BNIP1: variants seen among roughly 807,000 people sequenced by gnomAD.
BNIP1 encodes BCL2 interacting protein 1.
Under a neutral mutation model 28.5 loss-of-function variants are expected in BNIP1, and 25 were observed. That is an observed-to-expected ratio of 0.88 (90% CI 0.64 to 1.23). The LOEUF (loss-of-function observed/expected upper bound fraction) is 1.23, where lower values mean the gene tolerates loss of function less well. Ranked by LOEUF, BNIP1 falls within the 50% of genes most tolerant of loss-of-function variation. BNIP1 has a pLI of 0.00. For missense variants in BNIP1, 276 were observed against 277.0 expected, an observed-to-expected ratio of 1.00 and a Z score of 0.02; for synonymous variants, 118 against 101.7, an observed-to-expected ratio of 1.16 and a Z score of -0.96.
At chr5:173,145,656 G>A (rs1053642491) in intron 1 of BNIP1, among the ~76,000 whole-genome samples, 1 of 152,226 alleles carries the variant, frequency 6.6e-6, no homozygotes, top group African/African-American at 2.4e-5. Context: ...GCCCGCCTCG[G>A]CCTCCCAAAT....
chr5:173,148,352 T>A (rs1187252501), intron 2 of BNIP1, among the ~76,000 whole-genome samples: 8 of 151,532 alleles, frequency 5.3e-5, no homozygotes, highest in Admixed American at 5.3e-4. Flanking sequence ...CACTTGTGGG[T>A]CTGGGGGCTG....
At chr5:173,151,745 A>C (rs769140359) in intron 2 of BNIP1, 2 of 1,607,366 alleles carry the variant, frequency 1.2e-6, no homozygotes, top group Non-Finnish European at 1.7e-6. Flanking sequence ...CCCAGTGTTT[A>C]TTTCCTTCAC....
chr5:173,157,866 A>G (rs1455475104), intron 3 of BNIP1, among the ~76,000 whole-genome samples: 1 of 151,978 alleles, frequency 6.6e-6, no homozygotes, highest in Non-Finnish European at 1.5e-5. Context: ...TGTAGTATGG[A>G]AAGAACAACA....
At chr5:173,151,149 T>C (rs778269084) in intron 2 of BNIP1, among the ~76,000 whole-genome samples, 1 of 151,962 alleles carries the variant, frequency 6.6e-6, no homozygotes. Flanking sequence ...CTTATACTGT[T>C]AAGTATAATT....
rs752454447 is a variant in BNIP1, at chr5:173,154,378, C to A, written c.234C>A (p.Leu78=). The A allele has an allele frequency of 1.4e-5, 23 of 1,613,812 alleles. 1 individual carries two copies. In the South Asian group the frequency reaches 2.5e-4, roughly 18 times the overall value. The change falls in exon 3 of 6, where the codon CTC becomes CTA. Residue 78 remains leucine (L), a synonymous_variant. Coordinates refer to ENST00000351486, the MANE Select transcript of BNIP1 (RefSeq NM_001205.3). ...QDKESEKQLL[L]QEVENHKKQM... ...AAGAATCAGAGAAACAACTTCTACT[C>A]CAGGAAGTGGAGAATCACAAAAAGC... is the stretch of plus-strand genomic sequence containing the variant.
At chr5:173,153,986 G>A (rs867204285) in intron 2 of BNIP1, among the ~76,000 whole-genome samples, 4 of 152,316 alleles carry the variant, frequency 2.6e-5, no homozygotes, top group South Asian at 2.1e-4. Context: ...CAGTGTGCTT[G>A]TATTTCGTCA....
At chr5:173,160,337 C>T (rs570461474) in intron 5 of BNIP1, among the ~76,000 whole-genome samples, 8 of 151,874 alleles carry the variant, frequency 5.3e-5, no homozygotes, top group East Asian at 3.9e-4. Context: ...TGGTTTCAAG[C>T]GATTCTCCTG....
intron 1 of BNIP1, among the ~76,000 whole-genome samples, chr5:173,145,550 C>G (rs544022850): frequency 6.6e-6 from 1 of 152,154 alleles, no homozygotes; most frequent in Non-Finnish European, 1.5e-5. Context: ...TACAGGCACC[C>G]GCCACCACGC....
At chr5:173,153,616 G>A (rs1760089461) in intron 2 of BNIP1, among the ~76,000 whole-genome samples, 2 of 152,162 alleles carry the variant, frequency 1.3e-5, no homozygotes, top group African/African-American at 4.8e-5. Flanking sequence ...GGAAGGAGCA[G>A]CTCCCTGGTT....
At chr5:173,154,557 C>A in intron 3 of BNIP1, 144 bp downstream of exon 3, 1 of 639,048 alleles carries the variant, frequency 1.6e-6, no homozygotes, top group South Asian at 2.2e-5. Flanking sequence ...GTGTCTCGCT[C>A]TATTGCCCAG....
At position 173,163,814 on chromosome 5, in the gene BNIP1, T is replaced by C. The variant is rs1327328652; in HGVS notation, c.580T>C (p.Tyr194His). ...IQLGRKLITK[Y>H]NRRELTDKLL... ...GCTGGGCCGGAAGCTTATCACAAAA[T>C]ACAATCGCCGGGAGCTGACGGACAA... Residue 194 changes from tyrosine to histidine, a missense_variant, in exon 6 of 6, where the codon TAC becomes CAC. Physicochemically the swap from Tyr to His is moderately conservative, Grantham distance 83. Transcript: ENST00000351486. 6.2e-7 allele frequency: 1 copy of C among 1,613,944 alleles called. No individual in the cohort carries two copies. Among genetic ancestry groups the C allele is most frequent in the East Asian group, 2.2e-5 (1 of 44,874 alleles).
intron 3 of BNIP1, 140 bp downstream of exon 3, chr5:173,154,553 C>T (rs1760126045): frequency 7.7e-6 from 5 of 646,500 alleles, no homozygotes; most frequent in Admixed American, 3.3e-5. Flanking sequence ...GACGGTGTCT[C>T]GCTCTATTGC....
Position 173,164,020 on chromosome 5 carries a change from G to A in BNIP1, c.*99G>A, listed in dbSNP as rs1376898241. On this transcript the variant is annotated 3_prime_UTR_variant, in exon 6 of 6. Transcript: ENST00000351486. This position sits in a 1 kb window ranked among gnomAD's most constrained non-coding sequence, Gnocchi z 4.0. Reference sequence around the variant, plus strand: ...GCTAAGCTGAGCCACACACCCCTCCGTTTGCACCAGTTGCCTGCAGGTTGG... The same window carrying A: ...GCTAAGCTGAGCCACACACCCCTCCATTTGCACCAGTTGCCTGCAGGTTGG... 18 of 1,216,946 alleles carry A rather than the reference G, an allele frequency of 1.5e-5. No homozygotes were observed. Among genetic ancestry groups the A allele is most frequent in the East Asian group, 7.6e-5 (3 of 39,330 alleles). 75.4% of individuals were successfully genotyped at this position (1,216,946 alleles called of 1,614,324 possible). A position where few individuals can be genotyped will look rare whatever the true frequency, so the allele number is the denominator to read the frequency against.
intron 5 of BNIP1, among the ~76,000 whole-genome samples, chr5:173,160,332 T>G (rs1341551143): frequency 6.6e-6 from 1 of 151,984 alleles, no homozygotes; most frequent in African/African-American, 2.4e-5. Flanking sequence ...CCTCCTGGTT[T>G]CAAGCGATTC....
intron 1 of BNIP1, 136 bp downstream of exon 1, chr5:173,144,765 C>T (rs948190324): frequency 1.2e-6 from 1 of 820,358 alleles, no homozygotes; most frequent in Non-Finnish European, 1.9e-6. Flanking sequence ...TGGTCGGCTA[C>T]CCCCCCGGTC....
chr5:173,152,863 G>A lies in BNIP1; in HGVS notation c.178-1459G>A, dbSNP rs183680236. ...CAAACCAGTATGTGCAAATTGATAC[G>A]TAAATCAGTAAATTAGTATATAAAT... On this transcript the variant is annotated intron_variant, in intron 2 of 5. Transcript: ENST00000351486. Among the ~76,000 whole-genome samples, 155 of 152,228 alleles carry A rather than the reference G, an allele frequency of 1.0e-3. 2 individuals are homozygous for A. The South Asian group carries it at 0.015, about 14-fold the overall frequency.
At chr5:173,161,364 A>AACCAGCC (rs1466767119) in intron 5 of BNIP1, 3 of 152,932 alleles carry the variant, frequency 2.0e-5, no homozygotes, top group African/African-American at 7.2e-5. Context: ...CTGGGCTCGG[A>AACCAGCC]ACCAGCCAGG....
chr5:173,145,342 G>T (rs1277081582), intron 1 of BNIP1, among the ~76,000 whole-genome samples: 1 of 152,246 alleles, frequency 6.6e-6, no homozygotes, highest in East Asian at 1.9e-4. Context: ...AATTGGGAGT[G>T]TAGACACGGT....
At chr5:173,159,114 C>T (rs1332651108) in intron 4 of BNIP1, among the ~76,000 whole-genome samples, 8 of 151,882 alleles carry the variant, frequency 5.3e-5, no homozygotes, top group African/African-American at 1.7e-4. Context: ...CTTGGCTCAC[C>T]GCAACCTCCG....
Sources: gnomAD v4.1 joint callset for allele counts (sites outside exome capture counted in the v4.1 genomes callset) on GRCh38, gnomAD v4.1.1 for gene constraint, Gnocchi (gnomAD v3.1) non-coding constraint, MANE v1.5 for transcripts, NCBI Gene and HGNC (gene_info 2026-07-23, HGNC 2026-07-21) for gene names.